SELP: variants seen among roughly 807,000 people sequenced by gnomAD.
SELP encodes the protein selectin P.
SELP carries 92 observed loss-of-function variants against 104.1 expected under a neutral mutation model. That is an observed-to-expected ratio of 0.88 (90% CI 0.75 to 1.05). The LOEUF (loss-of-function observed/expected upper bound fraction) is 1.05, where lower values mean the gene tolerates loss of function less well. Among genes scored for constraint, SELP ranks in the 50% least tolerant of loss-of-function variants. The pLI, the probability that SELP is intolerant of heterozygous loss-of-function variation, is 0.00. For missense variants in SELP, 1,022 were observed against 1,017.3 expected, an observed-to-expected ratio of 1.00 and a Z score of -0.06; for synonymous variants, 397 against 364.5, an observed-to-expected ratio of 1.09 and a Z score of -1.01.
At chr1:169,609,414 G>T in intron 8 of SELP, 90 bp downstream of exon 8, 2 of 1,291,782 alleles carry the variant, frequency 1.5e-6, no homozygotes, top group Non-Finnish European at 2.1e-6. Flanking sequence ...GTGAATATCT[G>T]ATAAAGAAAG....
At chr1:169,614,627 G>A (rs753198196) in intron 3 of SELP, among the ~76,000 whole-genome samples, 8 of 152,004 alleles carry the variant, frequency 5.3e-5, no homozygotes, top group African/African-American at 7.2e-5. Flanking sequence ...GGTTCACTTG[G>A]AAGTATATTA....
intron 10 of SELP, among the ~76,000 whole-genome samples, chr1:169,597,670 C>A (rs202008801): frequency 1.3e-5 from 2 of 152,202 alleles, no homozygotes; most frequent in East Asian, 3.8e-4. Context: ...TGAATCTCCT[C>A]ACTAATTGTT....
At chr1:169,611,224 C>T (rs1662515496) in intron 7 of SELP, among the ~76,000 whole-genome samples, 1 of 152,146 alleles carries the variant, frequency 6.6e-6, no homozygotes, top group Admixed American at 6.5e-5. Context: ...TCCTATACCT[C>T]GGATATGTCA....
chr1:169,630,002 C>A (rs1663557714), intron 1 of SELP, 70 bp downstream of exon 1: 2 of 1,599,998 alleles, frequency 1.3e-6, no homozygotes, highest in South Asian at 2.2e-5. Context: ...GAACCTTTAC[C>A]TGCCTGACTT....
At chr1:169,612,895 G>T in intron 5 of SELP, 34 bp downstream of exon 5, 1 of 1,512,022 alleles carries the variant, frequency 6.6e-7, no homozygotes. Flanking sequence ...AAAATTCTAT[G>T]TCAGTGAGGA....
intron 1 of SELP, among the ~76,000 whole-genome samples, chr1:169,623,905 A>T (rs1160569181): frequency 1.3e-5 from 2 of 152,210 alleles, no homozygotes; most frequent in African/African-American, 2.4e-5. Flanking sequence ...ATGAATGTGC[A>T]TAGGGTTAAC....
intron 1 of SELP, among the ~76,000 whole-genome samples, chr1:169,619,904 T>C (rs913466191): frequency 5.3e-5 from 8 of 152,272 alleles, no homozygotes; most frequent in African/African-American, 1.9e-4. Context: ...CTATGAATAT[T>C]TTTAAAATGT....
intron 6 of SELP, 42 bp downstream of exon 6, chr1:169,612,175 G>T (rs1662571829): frequency 1.9e-6 from 3 of 1,576,828 alleles, no homozygotes; most frequent in Non-Finnish European, 2.6e-6. Context: ...AGTAAGGACT[G>T]GGTGCAATGG....
Position 169,613,532 on chromosome 1 carries a change from T to C in SELP, c.589+54A>G, listed in dbSNP as rs142287503. 1,203 of 1,328,268 alleles carry C rather than the reference T, an allele frequency of 9.1e-4. 9 individuals carry two copies. The African/African-American group carries it at 0.016, about 17-fold the overall frequency. 82.3% of individuals were successfully genotyped at this position (1,328,268 alleles called of 1,614,324 possible). On this transcript the variant is annotated intron_variant, in intron 4 of 16. Coordinates refer to ENST00000263686, the MANE Select transcript of SELP (RefSeq NM_003005.4). ...ACTTCAACATGATTTATTTACTTCT[T>C]GGCATCATCTCTAGCATAAAACCAA... is the stretch of plus-strand genomic sequence containing the variant.
intron 3 of SELP, among the ~76,000 whole-genome samples, chr1:169,615,855 T>C (rs1662782058): frequency 6.6e-6 from 1 of 152,182 alleles, no homozygotes; most frequent in Non-Finnish European, 1.5e-5. Context: ...ACCTGTACTG[T>C]TGAGGGCTTC....
intron 8 of SELP, 148 bp from the exon 9 acceptor site, chr1:169,607,282 A>T: frequency 1.8e-6 from 1 of 567,554 alleles, no homozygotes; most frequent in Non-Finnish European, 2.8e-6. Context: ...TCATTTAATT[A>T]TAACGGCACA....
In SELP at chr1:169,593,496, A is replaced by G; in HGVS notation, c.2407+109T>C. On this transcript the variant is annotated intron_variant, in intron 14 of 16. Coordinates refer to ENST00000263686, the MANE Select transcript of SELP (RefSeq NM_003005.4). ...TTTCTTTTAATGCAAATGTTTTCCA[A>G]CATGAACTACTGAAGTTGTGGTTTT... 3.6e-6 allele frequency: 3 copies of G among 830,154 alleles called. No homozygotes were observed. The East Asian group carries it at 7.7e-5, about 21-fold the overall frequency. 51.4% of individuals were successfully genotyped at this position (830,154 alleles called of 1,614,324 possible).
chr1:169,594,630 G>T (rs1571620858), intron 13 of SELP, 62 bp downstream of exon 13: 5 of 1,525,982 alleles, frequency 3.3e-6, no homozygotes, highest in Non-Finnish European at 4.5e-6. Context: ...ACACAGGGAA[G>T]AAACACTGAT....
In SELP at chr1:169,594,848, T is replaced by C. The variant is rs763364922; in HGVS notation, c.2131A>G (p.Lys711Glu). Residue 711 changes from lysine (K) to glutamate (E), a missense_variant, in exon 13 of 17, where the codon AAG becomes GAG. By Grantham distance (56) the Lys-to-Glu change is moderately conservative. Transcript: ENST00000263686. The part of the protein sequence containing the change: ...AVKCSELHVN[K>E]PIAMNCSNLW... ...TTGGAGCAGTTCATCGCTATTGGCTTATTAACATGTAGTTCTGAGCATTTC... is the reference window on the plus strand; with the variant it reads ...TTGGAGCAGTTCATCGCTATTGGCTCATTAACATGTAGTTCTGAGCATTTC... 1.9e-6 allele frequency: 3 copies of C among 1,613,476 alleles called. No homozygotes were observed. Among genetic ancestry groups the C allele is most frequent in the Non-Finnish European group, 2.5e-6 (3 of 1,179,688 alleles).
In SELP at chr1:169,617,212, CT is replaced by C. The variant is rs769280366; in HGVS notation, c.296del (p.Lys99ArgfsTer53). On this transcript the variant is annotated frameshift_variant, in exon 3 of 17. Transcript: ENST00000263686. LOFTEE classifies it high-confidence loss of function. ...YYWIGIRKNN[K>X]TWTWVGTKKA... ...TTTTGGTTCCCACCCATGTCCATGT[CT>C]TATTGTTCTTTCGGATCCCAATCCA... 1.2e-6 allele frequency: 2 copies of C among 1,613,970 alleles called. No homozygotes were observed. The highest frequency in any genetic ancestry group is 2.7e-5 in the African/African-American group (2 of 74,894).
intron 9 of SELP, among the ~76,000 whole-genome samples, chr1:169,604,483 T>C (rs1662084743): frequency 6.6e-6 from 1 of 152,232 alleles, no homozygotes; most frequent in African/African-American, 2.4e-5. Flanking sequence ...ATTTTGGCTT[T>C]TATTGCCATT....
intron 1 of SELP, among the ~76,000 whole-genome samples, chr1:169,629,059 T>C (rs996559626): frequency 1.3e-5 from 2 of 152,204 alleles, no homozygotes; most frequent in Admixed American, 6.5e-5. Flanking sequence ...GGTTCCTCCA[T>C]AGCCACAGAC....
chr1:169,621,502 T>C (rs1393398393), intron 1 of SELP, among the ~76,000 whole-genome samples: 2 of 150,624 alleles, frequency 1.3e-5, no homozygotes, highest in Admixed American at 1.3e-4. Flanking sequence ...CATGGGACAG[T>C]GTGGGGTTGT....
chr1:169,624,219 T>A (rs1374594784), intron 1 of SELP, among the ~76,000 whole-genome samples: 1 of 152,182 alleles, frequency 6.6e-6, no homozygotes, highest in African/African-American at 2.4e-5. Flanking sequence ...CTGCTCCTAC[T>A]CTGCATTATA....
Sources: gnomAD v4.1 joint callset for allele counts (sites outside exome capture counted in the v4.1 genomes callset) on GRCh38, gnomAD v4.1.1 for gene constraint, MANE v1.5 for transcripts, NCBI Gene and HGNC (gene_info 2026-07-23, HGNC 2026-07-21) for gene names.